Variants in TECR observed in about 807,000 individuals in gnomAD.
TECR encodes the protein trans-2,3-enoyl-CoA reductase.
In TECR, 19 loss-of-function variants were observed where a neutral mutation model predicts 50.6. The ratio of observed to expected loss-of-function variants is 0.38; its 90% CI spans 0.26 to 0.55. The LOEUF is 0.55. Ranked by LOEUF, TECR falls within the 20% of genes least tolerant of loss-of-function variation. TECR has a pLI of 0.79. For synonymous variants in TECR, 168 were observed against 163.5 expected, an observed-to-expected ratio of 1.03 and a Z score of -0.21; for missense variants, 313 against 408.3, an observed-to-expected ratio of 0.77 and a Z score of 2.01.
At chr19:14,558,001 C>T (rs558987607) in intron 1 of TECR, among the ~76,000 whole-genome samples, 10 of 152,020 alleles carry the variant, frequency 6.6e-5, no homozygotes, top group East Asian at 1.9e-4. Context: ...GTGATTCGCC[C>T]GCCTCGGCCT....
Position 14,563,185 on chromosome 19 carries a change from C to G in TECR, c.67-21C>G, listed in dbSNP as rs1033335249. ...TGGGCTCCCCGCAGAGCTGACGTCC[C>G]TGCGCCTGTGCTTCCCCCAGGTGGA... On this transcript the variant is annotated intron_variant, in intron 2 of 12. Coordinates refer to ENST00000215567, the MANE Select transcript of TECR (RefSeq NM_138501.6). This position sits in a 1 kb window ranked among gnomAD's most constrained non-coding sequence, Gnocchi z 5.3. 7 of 1,613,810 alleles carry G rather than the reference C, an allele frequency of 4.3e-6. No individual in the cohort carries two copies. In the Middle Eastern group the frequency reaches 4.9e-4, roughly 114 times the overall value.
rs144333360 is a variant in TECR at position 14,551,354 on chromosome 19, C to T, written c.16-11171C>T. The stretch of plus-strand genomic sequence containing the variant: ...CCTCCCAGAGTACTGGGATTACAGG[C>T]GTGAGCCACTGCACCTGGCCAATTA... On this transcript the variant is annotated intron_variant, in intron 1 of 12. Coordinates refer to ENST00000215567, the MANE Select transcript of TECR (RefSeq NM_138501.6). 2.7e-3 allele frequency among the ~76,000 whole-genome samples: 418 copies of T among 152,238 alleles called. 4 individuals carry two copies. The highest frequency in any genetic ancestry group is 9.6e-3 in the African/African-American group (401 of 41,556).
At position 14,565,802 on chromosome 19, in the gene TECR, C is replaced by T. The variant is rs2074064705; in HGVS notation, c.858C>T (p.His286=). The change falls in exon 13 of 13, where the codon CAC becomes CAT. Residue 286 remains histidine (H), a synonymous_variant. Coordinates refer to ENST00000215567, the MANE Select transcript of TECR (RefSeq NM_138501.6). ...TQMTIWAKGK[H]RSYLKEFRDY... Reference sequence around the variant, plus strand: ...TGACCATCTGGGCCAAGGGCAAGCACCGCAGCTACCTGAAGGAGTTCCGGG... The same window carrying T: ...TGACCATCTGGGCCAAGGGCAAGCATCGCAGCTACCTGAAGGAGTTCCGGG... The T allele has an allele frequency of 1.2e-6, 2 of 1,604,256 alleles. No homozygotes were observed. Among genetic ancestry groups the T allele is most frequent in the Admixed American group, 3.4e-5 (2 of 58,668 alleles).
In TECR at chr19:14,563,433, C is replaced by A; in HGVS notation, c.118+176C>A. 1 of 815,926 alleles carries A rather than the reference C, an allele frequency of 1.2e-6. No homozygotes were observed. The highest frequency in any genetic ancestry group is 2.2e-5 in the Admixed American group (1 of 45,236). The allele number at this position is 815,926 out of a possible 1,614,324, so 50.5% of individuals were successfully genotyped here. On this transcript the variant is annotated intron_variant, in intron 3 of 12. Coordinates refer to ENST00000215567, the MANE Select transcript of TECR (RefSeq NM_138501.6). This position sits in a 1 kb window ranked among gnomAD's most constrained non-coding sequence, Gnocchi z 5.3. ...CTCCACGTGGCACTCCGCAGGAACGCCCTTGCTAGGCTCTGGGAAGGACAA... is the reference window on the plus strand; with the variant it reads ...CTCCACGTGGCACTCCGCAGGAACGACCTTGCTAGGCTCTGGGAAGGACAA...
Position 14,552,924 on chromosome 19 carries a change from G to A in TECR, c.16-9601G>A, listed in dbSNP as rs556610226. On this transcript the variant is annotated intron_variant, in intron 1 of 12. Coordinates refer to ENST00000215567, the MANE Select transcript of TECR (RefSeq NM_138501.6). The stretch of plus-strand genomic sequence containing the variant: ...AGGGTGAGCATCTGATAGATGTCAC[G>A]TCTGAATGAAACGGGCGAGATCAGC... 3.3e-5 allele frequency among the ~76,000 whole-genome samples: 5 copies of A among 152,104 alleles called. No homozygotes were observed. In the South Asian group the frequency reaches 6.3e-4, roughly 19 times the overall value.
chr19:14,565,390 C>T (rs1440588498), intron 11 of TECR, 100 bp downstream of exon 11: 5 of 1,479,432 alleles, frequency 3.4e-6, no homozygotes, highest in East Asian at 2.3e-5. Flanking sequence ...CTGCTTTTGC[C>T]GCCTGCACTG....
At chr19:14,529,319 C>A, upstream of TECR, 1 of 415,254 alleles carries the variant, frequency 2.4e-6, no homozygotes. Flanking sequence ...ACCTTGGTTT[C>A]CACAGCGACG....
In TECR at chr19:14,565,799, G is replaced by T; in HGVS notation, c.855G>T (p.Lys285Asn). The T allele has an allele frequency of 6.2e-7, 1 of 1,605,754 alleles. No individual in the cohort carries two copies. The highest frequency in any genetic ancestry group is 8.5e-7 in the Non-Finnish European group (1 of 1,177,078). The part of the protein sequence containing the change: ...FTQMTIWAKG[K>N]HRSYLKEFRD... ...AGATGACCATCTGGGCCAAGGGCAA[G>T]CACCGCAGCTACCTGAAGGAGTTCC... Residue 285 changes from lysine to asparagine, a missense_variant, in exon 13 of 13, where the codon AAG (lysine) becomes AAT (asparagine). Coordinates refer to ENST00000215567, the MANE Select transcript of TECR (RefSeq NM_138501.6).
At chr19:14,543,041 G>T (rs1364694980) in intron 1 of TECR, among the ~76,000 whole-genome samples, 1 of 146,718 alleles carries the variant, frequency 6.8e-6, no homozygotes, top group Non-Finnish European at 1.5e-5. Context: ...TGGCCAGAGC[G>T]TGGGATCTGG....
intron 1 of TECR, 72 bp downstream of exon 1, chr19:14,529,783 G>C: frequency 6.2e-7 from 1 of 1,607,438 alleles, no homozygotes; most frequent in Non-Finnish European, 8.5e-7. Context: ...GGGACCACGG[G>C]ACCCCACTTT....
At chr19:14,536,354 C>G (rs1041671207) in intron 1 of TECR, among the ~76,000 whole-genome samples, 4 of 151,422 alleles carry the variant, frequency 2.6e-5, no homozygotes, top group African/African-American at 9.7e-5. Context: ...ACTGCAACCT[C>G]TGCCTCCTGG....
chr19:14,563,049 G>T lies in TECR; in HGVS notation c.67-157G>T. The T allele has an allele frequency of 1.1e-6, 1 of 880,878 alleles. No individual in the cohort carries two copies. Among genetic ancestry groups the T allele is most frequent in the Non-Finnish European group, 1.8e-6 (1 of 567,484 alleles). The allele number at this position is 880,878 out of a possible 1,614,324, so 54.6% of individuals were successfully genotyped here. A position where few individuals can be genotyped will look rare whatever the true frequency, so the allele number is the denominator to read the frequency against. On this transcript the variant is annotated intron_variant, in intron 2 of 12. Transcript: ENST00000215567. This position sits in a 1 kb window ranked among gnomAD's most constrained non-coding sequence, Gnocchi z 5.3. ...TCACTGCACTGGCAGGGCCCTCGGT[G>T]GTCCTTCCCTGACTGCAGGCAGAGG...
At chr19:14,536,914 G>A (rs990291510) in intron 1 of TECR, among the ~76,000 whole-genome samples, 1 of 149,746 alleles carries the variant, frequency 6.7e-6, no homozygotes, top group African/African-American at 2.5e-5. Context: ...CAAGTAGTAC[G>A]GCCCTACTCA....
At chr19:14,528,875 C>A (rs950190180), upstream of TECR, among the ~76,000 whole-genome samples, 3 of 152,052 alleles carry the variant, frequency 2.0e-5, no homozygotes, top group Non-Finnish European at 4.4e-5. Flanking sequence ...ACCCGGGAGG[C>A]GGAGGTTGCG....
chr19:14,535,802 T>G (rs1203845453), intron 1 of TECR, among the ~76,000 whole-genome samples: 42 of 142,066 alleles, frequency 3.0e-4, no homozygotes, highest in African/African-American at 1.0e-3. Flanking sequence ...CCTTGAGCTG[T>G]GGTGAGCTAT....
chr19:14,562,621 G>A (rs1293757131), intron 2 of TECR, 46 bp downstream of exon 2: 5 of 1,606,060 alleles, frequency 3.1e-6, no homozygotes, highest in South Asian at 1.1e-5. Context: ...CACTGGGCCC[G>A]GGACCCCAAT....
intron 1 of TECR, among the ~76,000 whole-genome samples, chr19:14,559,030 G>A (rs905949116): frequency 6.6e-6 from 1 of 152,164 alleles, no homozygotes; most frequent in Non-Finnish European, 1.5e-5. Flanking sequence ...TGGCAGTGGG[G>A]TGTGGGGCGC....
intron 1 of TECR, among the ~76,000 whole-genome samples, chr19:14,533,312 T>TG (rs1488430929): frequency 2.0e-5 from 3 of 151,348 alleles, no homozygotes; most frequent in Admixed American, 1.3e-4. Flanking sequence ...CCCAGGTACT[T>TG]GGGAGGCTGA....
chr19:14,562,595 TGCACTGGGCCAAGG>T lies in TECR; in HGVS notation c.66+31_66+44del, dbSNP rs1191468513. On this transcript the variant is annotated intron_variant, in intron 2 of 12. Coordinates refer to ENST00000215567, the MANE Select transcript of TECR (RefSeq NM_138501.6). ...GACAAGGTAGGACTGGGGCGTGGGC[TGCACTGGGCCAAGG>T]GCACTGGGCCCGGGACCCCAATCCT... 2 of 1,613,984 alleles carry T rather than the reference TGCACTGGGCCAAGG, an allele frequency of 1.2e-6. No homozygotes were observed. Among genetic ancestry groups the T allele is most frequent in the African/African-American group, 1.3e-5 (1 of 75,038 alleles).
Sources: gnomAD v4.1 joint callset for allele counts (sites outside exome capture counted in the v4.1 genomes callset) on GRCh38, gnomAD v4.1.1 for gene constraint, Gnocchi (gnomAD v3.1) non-coding constraint, MANE v1.5 for transcripts, NCBI Gene and HGNC (gene_info 2026-07-23, HGNC 2026-07-21) for gene names.